ACSL5: variants seen among roughly 807,000 people sequenced by gnomAD.
The protein encoded by ACSL5 is long-chain-fatty-acid--CoA ligase 5.
A neutral mutation model predicts 84.9 loss-of-function variants in ACSL5; 50 were observed. The ratio of observed to expected loss-of-function variants is 0.59; its 90% CI spans 0.47 to 0.75. ACSL5 has a LOEUF of 0.75. Among genes scored for constraint, ACSL5 ranks in the 30% least tolerant of loss-of-function variants. The probability of loss-of-function intolerance (pLI) is 0.00; values close to 1 mark genes in which losing one functional copy is unlikely to be tolerated. For missense variants in ACSL5, 775 were observed against 830.4 expected (o/e 0.93, Z 0.82); for synonymous variants, 280 against 300.7 (o/e 0.93, Z 0.71).
rs189250411 is a variant in ACSL5, at chr10:112,416,275, T to C, written c.1084-613T>C. On this transcript the variant is annotated intron_variant, in intron 12 of 20. Transcript: ENST00000354655. ...TCACGAGGTCAGGAGATTGAGACCA[T>C]CCTGGCTAACATGGTGAAACCCTGT... Among the ~76,000 whole-genome samples the C allele has an allele frequency of 5.3e-4, 80 of 151,956 alleles. 1 individual carries two copies. The East Asian group carries it at 0.015, about 29-fold the overall frequency.
In ACSL5 at chr10:112,411,424, G is replaced by C. The variant is rs1844173776; in HGVS notation, c.797-32G>C. 3 of 1,565,224 alleles carry C rather than the reference G, an allele frequency of 1.9e-6. No individual in the cohort carries two copies. In the Admixed American group the frequency reaches 5.0e-5, roughly 26 times the overall value. ...AAAGGCTACCTATTAGCTACATAAAGTATCTTTCTCTCCACCTCTTATTTC... is the reference window on the plus strand; with the variant it reads ...AAAGGCTACCTATTAGCTACATAAACTATCTTTCTCTCCACCTCTTATTTC... On this transcript the variant is annotated intron_variant, in intron 9 of 20. Coordinates refer to ENST00000354655, the MANE Select transcript of ACSL5 (RefSeq NM_203379.2).
chr10:112,410,758 C>A, intron 9 of ACSL5, 123 bp downstream of exon 9: 1 of 921,728 alleles, frequency 1.1e-6, no homozygotes. Flanking sequence ...GGCTCACAGC[C>A]TAAGGCTTCT....
chr10:112,394,777 C>G, intron 1 of ACSL5, 141 bp from the exon 2 acceptor site: 2 of 1,483,878 alleles, frequency 1.3e-6, no homozygotes, highest in Non-Finnish European at 1.8e-6. Context: ...TAGAGAGGTA[C>G]AACTGTGTTT....
Position 112,409,671 on chromosome 10 carries a change from C to T in ACSL5, c.697C>T (p.Leu233=). 1.2e-6 allele frequency: 2 copies of T among 1,614,092 alleles called. No individual in the cohort carries two copies. Among genetic ancestry groups the T allele is most frequent in the Non-Finnish European group, 1.7e-6 (2 of 1,179,980 alleles). The change falls in exon 7 of 21, where the codon CTA becomes TTA. Residue 233 remains leucine, a synonymous_variant. Coordinates refer to ENST00000354655, the MANE Select transcript of ACSL5 (RefSeq NM_203379.2). ...GAAGAGTGGAATTGAGATCTTATCC[C>T]TATATGATGCTGAGGTATGGATCTG... The part of the protein sequence containing the change: ...GEKSGIEILS[L]YDAENLGKEH...
At chr10:112,377,166 G>T (rs1849257092) in intron 1 of ACSL5, among the ~76,000 whole-genome samples, 2 of 151,924 alleles carry the variant, frequency 1.3e-5, no homozygotes, top group South Asian at 4.2e-4. Context: ...GCCTTTTTTT[G>T]GTGGTCTGAA....
chr10:112,381,331 G>A lies in ACSL5; in HGVS notation c.-30+7062G>A, dbSNP rs543974233. On this transcript the variant is annotated intron_variant, in intron 1 of 20. Transcript: ENST00000354655. ...TGTTCATCCCTCAGCACATGGCACAGTGCTGAACACACAGGTCCACAGTTT... is the reference window on the plus strand; with the variant it reads ...TGTTCATCCCTCAGCACATGGCACAATGCTGAACACACAGGTCCACAGTTT... 2.0e-5 allele frequency among the ~76,000 whole-genome samples: 3 copies of A among 152,304 alleles called. No homozygotes were observed. The East Asian group carries it at 5.8e-4, about 29-fold the overall frequency.
chr10:112,417,774 A>C, intron 13 of ACSL5, 72 bp from the exon 14 acceptor site: 1 of 1,176,912 alleles, frequency 8.5e-7, no homozygotes, highest in Non-Finnish European at 1.3e-6. Flanking sequence ...AGGCTATTAT[A>C]CCCACTCTAC....
At chr10:112,410,150 G>C in intron 7 of ACSL5, 1 of 1,329,020 alleles carries the variant, frequency 7.5e-7, no homozygotes, top group South Asian at 1.4e-5. Flanking sequence ...AATAAGCTCT[G>C]AAAATGTTAG....
rs1844767056 is a variant in ACSL5 at position 112,427,259 on chromosome 10, A to C, written c.1953A>C (p.Glu651Asp). ...TTCATCCAGAGCCATTTTCCATTGAAAATGGGCTCTTGACACCAACATTGA... is the reference window on the plus strand; with the variant it reads ...TTCATCCAGAGCCATTTTCCATTGACAATGGGCTCTTGACACCAACATTGA... ...IFLHPEPFSI[E>D]NGLLTPTLKA... Residue 651 changes from glutamate (E) to aspartate (D), a missense_variant, in exon 21 of 21, where the codon GAA becomes GAC. Coordinates refer to ENST00000354655, the MANE Select transcript of ACSL5 (RefSeq NM_203379.2). 1.9e-6 allele frequency: 3 copies of C among 1,613,638 alleles called. No homozygotes were observed. Among genetic ancestry groups the C allele is most frequent in the African/African-American group, 1.3e-5 (1 of 74,888 alleles).
intron 1 of ACSL5, among the ~76,000 whole-genome samples, chr10:112,381,520 C>G (rs543206113): frequency 6.6e-6 from 1 of 151,800 alleles, no homozygotes; most frequent in Non-Finnish European, 1.5e-5. Flanking sequence ...CAAAAATTAG[C>G]CGGATGTGAT....
At chr10:112,408,178 A>G (rs749497481) in intron 5 of ACSL5, among the ~76,000 whole-genome samples, 54 of 152,024 alleles carry the variant, frequency 3.6e-4, no homozygotes, top group Middle Eastern at 3.4e-3. Flanking sequence ...GTGTGCCTGT[A>G]GTTCCAGCTA....
intron 6 of ACSL5, chr10:112,408,770 T>TG (rs2133625082): frequency 2.3e-6 from 1 of 426,772 alleles, no homozygotes; most frequent in Non-Finnish European, 4.4e-6. Flanking sequence ...CATGGTATGA[T>TG]GATATAGAGA....
intron 19 of ACSL5, 48 bp from the exon 20 acceptor site, chr10:112,426,740 C>A: frequency 6.4e-7 from 1 of 1,554,478 alleles, no homozygotes; most frequent in South Asian, 1.1e-5. Flanking sequence ...CTTAGCCCTT[C>A]AGGCTTTTTG....
At chr10:112,415,465 C>T (rs1165513525) in intron 12 of ACSL5, among the ~76,000 whole-genome samples, 1 of 152,208 alleles carries the variant, frequency 6.6e-6, no homozygotes, top group Non-Finnish European at 1.5e-5. Flanking sequence ...TTTATTAGCA[C>T]ACGTCTCTAA....
intron 1 of ACSL5, among the ~76,000 whole-genome samples, chr10:112,391,726 G>T (rs1843646249): frequency 6.6e-6 from 1 of 152,168 alleles, no homozygotes; most frequent in Non-Finnish European, 1.5e-5. Flanking sequence ...TCCCATGCCA[G>T]ACTCTTAAAA....
At chr10:112,391,195 A>G (rs888581332) in intron 1 of ACSL5, among the ~76,000 whole-genome samples, 2 of 152,148 alleles carry the variant, frequency 1.3e-5, no homozygotes, top group Admixed American at 6.6e-5. Context: ...CCTGGCCAAC[A>G]TGGTGAAACC....
In ACSL5 at chr10:112,427,365, G is replaced by A. The variant is rs755937747; in HGVS notation, c.*7G>A. ...TGAGCACATCCAGGATTAGGATAAG[G>A]TACTTAAGTACCTGCCGGCCCACTG... On this transcript the variant is annotated 3_prime_UTR_variant, in exon 21 of 21. Transcript: ENST00000354655. 17 of 1,606,146 alleles carry A rather than the reference G, an allele frequency of 1.1e-5. No individual in the cohort carries two copies. The highest frequency in any genetic ancestry group is 1.4e-5 in the Non-Finnish European group (17 of 1,176,724).
Position 112,426,832 on chromosome 10 carries a change from A to G in ACSL5, c.1884A>G (p.Lys628=). Residue 628 remains lysine, a synonymous_variant, in exon 20 of 21, where the codon AAA becomes AAG. Transcript: ENST00000354655. ...TAGAAGACTTGCAGAAAATTGGGAA[A>G]GAAAGTGGCCTTAAAACTTTTGAAC... ...AILEDLQKIG[K]ESGLKTFEQV... 1 of 1,614,028 alleles carries G rather than the reference A, an allele frequency of 6.2e-7. No individual in the cohort carries two copies. The highest frequency in any genetic ancestry group is 1.1e-5 in the South Asian group (1 of 91,084).
At chr10:112,408,331 CAA>C in intron 5 of ACSL5, 89 bp from the exon 6 acceptor site, 3 of 761,576 alleles carry the variant, frequency 3.9e-6, no homozygotes, top group Non-Finnish European at 6.5e-6. Context: ...CAAAACAAGA[CAA>C]AAAACCAGAC....
Sources: gnomAD v4.1 joint callset for allele counts (sites outside exome capture counted in the v4.1 genomes callset) on GRCh38, gnomAD v4.1.1 for gene constraint, MANE v1.5 for transcripts, NCBI Gene and HGNC (gene_info 2026-07-23, HGNC 2026-07-21) for gene names.